Variants in RGS6 observed in about 807,000 individuals in gnomAD.
RGS6 encodes the protein regulator of G protein signaling 6.
In RGS6, 30 loss-of-function variants were observed where a neutral mutation model predicts 78.5. The observed-to-expected ratio is 0.38, with a 90% CI of 0.29 to 0.52. The LOEUF (loss-of-function observed/expected upper bound fraction) is 0.52, where lower values mean the gene tolerates loss of function less well. RGS6 is among the 20% of genes least tolerant of loss of function. RGS6 has a pLI of 0.85. For missense variants in RGS6, 495 were observed against 609.7 expected, an observed-to-expected ratio of 0.81 and a Z score of 1.98; for synonymous variants, 206 against 206.0, an observed-to-expected ratio of 1.00 and a Z score of 0.00.
intron 2 of RGS6, among the ~76,000 whole-genome samples, chr14:72,162,128 T>G (rs541975398): frequency 2.4e-4 from 36 of 152,330 alleles, no homozygotes; most frequent in Non-Finnish European, 4.1e-4. Context: ...TGCACTTGTT[T>G]GCATTTGACA....
intron 17 of RGS6, chr14:72,552,698 G>A (rs2097524255): frequency 6.6e-6 from 1 of 152,180 alleles, no homozygotes. Context: ...CCAAAGCGAG[G>A]TAGTGGAGGA....
At chr14:72,414,491 T>A (rs552751148) in intron 3 of RGS6, among the ~76,000 whole-genome samples, 1 of 152,318 alleles carries the variant, frequency 6.6e-6, no homozygotes, top group Non-Finnish European at 1.5e-5. Context: ...GGTTTTTAAC[T>A]TCTTTGCCAT....
intron 17 of RGS6, among the ~76,000 whole-genome samples, chr14:72,543,456 C>T (rs550158255): frequency 2.0e-5 from 3 of 152,204 alleles, no homozygotes; most frequent in East Asian, 3.8e-4. Flanking sequence ...TAATCCTGCT[C>T]ATGGGGAAGC....
intron 2 of RGS6, among the ~76,000 whole-genome samples, chr14:72,006,158 A>C (rs1263759950): frequency 6.6e-6 from 1 of 152,072 alleles, no homozygotes; most frequent in Non-Finnish European, 1.5e-5. Flanking sequence ...TTAGGTCCTA[A>C]ATTAAACATC....
At chr14:72,058,964 T>C (rs1305879734) in intron 2 of RGS6, among the ~76,000 whole-genome samples, 3 of 152,156 alleles carry the variant, frequency 2.0e-5, no homozygotes, top group African/African-American at 7.2e-5. Flanking sequence ...AGTACAGTGG[T>C]GTGATCTTGG....
chr14:72,456,368 G>A (rs2095630423), intron 4 of RGS6, among the ~76,000 whole-genome samples: 2 of 152,218 alleles, frequency 1.3e-5, no homozygotes, highest in Admixed American at 6.5e-5. Flanking sequence ...ATAGCTCACT[G>A]CAGCCTTGAC....
At chr14:72,462,336 C>G (rs1205138281) in intron 6 of RGS6, among the ~76,000 whole-genome samples, 2 of 152,048 alleles carry the variant, frequency 1.3e-5, no homozygotes, top group East Asian at 3.9e-4. Flanking sequence ...ATAAAAAGGC[C>G]TTGGCAGTCA....
chr14:71,925,190 T>C, the RGS6 span, among the ~76,000 whole-genome samples: 2 of 152,244 alleles, frequency 1.3e-5, no homozygotes, highest in Admixed American at 1.3e-4. Context: ...TCTTTTCATA[T>C]ATGGGTTGGC....
chr14:72,353,195 A>G (rs989459665), intron 3 of RGS6, among the ~76,000 whole-genome samples: 1 of 152,222 alleles, frequency 6.6e-6, no homozygotes, highest in African/African-American at 2.4e-5. Flanking sequence ...ACTCCTGGGT[A>G]TTCACCCAAG....
intron 2 of RGS6, among the ~76,000 whole-genome samples, chr14:72,168,978 G>A (rs149666): frequency 0.18 from 28,007 of 152,224 alleles, 2,770 homozygotes; most frequent in East Asian, 0.33. Context: ...AAGGCAAGAA[G>A]ATAGTCTTCC....
chr14:72,624,561 G>A, the RGS6 span, among the ~76,000 whole-genome samples: 1,032 of 152,104 alleles, frequency 6.8e-3, 13 homozygotes, highest in African/African-American at 0.024. Flanking sequence ...CTGTTCTCCA[G>A]CGCCTGACCT....
the RGS6 span, chr14:72,629,532 C>A: frequency 1.6e-6 from 2 of 1,238,356 alleles, no homozygotes; most frequent in East Asian, 2.5e-5. Flanking sequence ...GCCCCAGGGG[C>A]CTAGTGACAA....
At chr14:72,506,612 G>A (rs993415644) in intron 13 of RGS6, among the ~76,000 whole-genome samples, 4 of 152,094 alleles carry the variant, frequency 2.6e-5, no homozygotes, top group African/African-American at 4.8e-5. Context: ...TAGTGAAATC[G>A]TACTAGGAAA....
chr14:72,096,732 C>T (rs1202967596), intron 2 of RGS6, among the ~76,000 whole-genome samples: 1 of 152,112 alleles, frequency 6.6e-6, no homozygotes, highest in Non-Finnish European at 1.5e-5. Flanking sequence ...TTCCAAGAGA[C>T]CAGGGGGGCT....
At chr14:72,053,030 C>CCCT (rs2093385753) in intron 2 of RGS6, among the ~76,000 whole-genome samples, 1 of 8,324 alleles carries the variant, frequency 1.2e-4, no homozygotes, top group Non-Finnish European at 2.1e-4. Flanking sequence ...TCTTTCTTTC[C>CCCT]CCCTCCCTCC....
At chr14:72,082,756 G>C (rs955748420) in intron 2 of RGS6, among the ~76,000 whole-genome samples, 1 of 151,998 alleles carries the variant, frequency 6.6e-6, no homozygotes, top group Non-Finnish European at 1.5e-5. Flanking sequence ...AAGTTCTTGG[G>C]GGAAATAAGC....
chr14:72,417,314 C>T (rs923913633), intron 3 of RGS6, among the ~76,000 whole-genome samples: 1 of 152,260 alleles, frequency 6.6e-6, no homozygotes, highest in South Asian at 2.1e-4. Context: ...CCAAGTCAGC[C>T]TAGGAGGGTT....
At chr14:72,476,590 C>A (rs535360541) in intron 10 of RGS6, 152 bp from the exon 11 acceptor site, 2 of 612,422 alleles carry the variant, frequency 3.3e-6, no homozygotes, top group East Asian at 5.7e-5. Context: ...TAAGAGGCAG[C>A]ATTCTCATCA....
chr14:72,586,962 A>G, the RGS6 span, among the ~76,000 whole-genome samples: 1 of 152,200 alleles, frequency 6.6e-6, no homozygotes, highest in Non-Finnish European at 1.5e-5. Context: ...TCATGAACTC[A>G]TCTACTGAAT....
Sources: allele counts gnomAD v4.1 joint callset (sites outside exome capture counted in the v4.1 genomes callset), GRCh38; gene constraint gnomAD v4.1.1; transcripts MANE v1.5; gene names NCBI Gene and HGNC (gene_info 2026-07-23, HGNC 2026-07-21).